The following FMNL3 variants were observed in gnomAD, a reference collection of about 807,000 sequenced individuals.
The protein encoded by FMNL3 is formin-like protein 3.
In FMNL3, 57 loss-of-function variants were observed where a neutral mutation model predicts 119.6. That is an observed-to-expected ratio of 0.48 (90% CI 0.39 to 0.59). The LOEUF (loss-of-function observed/expected upper bound fraction) is 0.59, where lower values mean the gene tolerates loss of function less well. FMNL3 is among the 20% of genes least tolerant of loss of function. The probability of loss-of-function intolerance (pLI) is 0.00; values close to 1 mark genes in which losing one functional copy is unlikely to be tolerated. For missense variants in FMNL3, 1,053 were observed against 1,323.5 expected (o/e 0.80, Z 3.17); for synonymous variants, 491 against 507.3 (o/e 0.97, Z 0.43).
In FMNL3 at chr12:49,649,557, A is replaced by C; in HGVS notation, c.2236-19T>G. Reference sequence around the variant, plus strand: ...TGAGTTGCTGTAGGACAATATGAACACTGAAGTAACCCCAGGCTGAGATGG... The same window carrying C: ...TGAGTTGCTGTAGGACAATATGAACCCTGAAGTAACCCCAGGCTGAGATGG... On this transcript the variant is annotated intron_variant, in intron 18 of 25. Coordinates refer to ENST00000335154, the MANE Select transcript of FMNL3 (RefSeq NM_175736.5). This position sits in a 1 kb window ranked among gnomAD's most constrained non-coding sequence, Gnocchi z 5.6. 1.9e-6 allele frequency: 3 copies of C among 1,614,082 alleles called. No homozygotes were observed. The highest frequency in any genetic ancestry group is 2.5e-6 in the Non-Finnish European group (3 of 1,180,014).
intron 1 of FMNL3, among the ~76,000 whole-genome samples, chr12:49,690,249 T>C (rs1219637902): frequency 6.6e-6 from 1 of 152,204 alleles, no homozygotes; most frequent in East Asian, 1.9e-4. Context: ...TCTATTTATT[T>C]TGTATACCCC....
intron 1 of FMNL3, among the ~76,000 whole-genome samples, chr12:49,676,705 A>G (rs796768543): frequency 1.7e-4 from 26 of 152,196 alleles, no homozygotes; most frequent in African/African-American, 6.3e-4. Flanking sequence ...CTCCTGGTTA[A>G]CTGGGGAAAG....
Position 49,637,959 on chromosome 12 carries a change from G to A in FMNL3, c.*7856C>T. The A allele has an allele frequency of 3.0e-6, 2 of 673,668 alleles. No individual in the cohort carries two copies. Among genetic ancestry groups the A allele is most frequent in the Non-Finnish European group, 2.6e-6 (1 of 381,088 alleles). 41.7% of individuals were successfully genotyped at this position (673,668 alleles called of 1,614,324 possible). A position where few individuals can be genotyped will look rare whatever the true frequency, so the allele number is the denominator to read the frequency against. On this transcript the variant is annotated 3_prime_UTR_variant, in exon 26 of 26. Coordinates refer to ENST00000335154, the MANE Select transcript of FMNL3 (RefSeq NM_175736.5). ...CAGATATCTACTGTGATCCTTTACT[G>A]CACACTAGGGATACAGTAATGAATA...
chr12:49,636,960 C>A lies in FMNL3; in HGVS notation c.*8855G>T. On this transcript the variant is annotated 3_prime_UTR_variant, in exon 26 of 26. Coordinates refer to ENST00000335154, the MANE Select transcript of FMNL3 (RefSeq NM_175736.5). Reference sequence around the variant, plus strand: ...CGCTGCCTGTTCTTTCTGTGCCTAGCCCTGTCCAAGCTCTATGAGACCTCT... The same window carrying A: ...CGCTGCCTGTTCTTTCTGTGCCTAGACCTGTCCAAGCTCTATGAGACCTCT... 6.6e-7 allele frequency: 1 copy of A among 1,509,702 alleles called. No individual in the cohort carries two copies. Among genetic ancestry groups the A allele is most frequent in the Non-Finnish European group, 9.0e-7 (1 of 1,113,724 alleles). 93.5% of individuals were successfully genotyped at this position (1,509,702 alleles called of 1,614,324 possible). A position where few individuals can be genotyped will look rare whatever the true frequency, so the allele number is the denominator to read the frequency against.
intron 1 of FMNL3, among the ~76,000 whole-genome samples, chr12:49,695,337 T>C (rs1944723323): frequency 6.6e-6 from 1 of 152,002 alleles, no homozygotes; most frequent in African/African-American, 2.4e-5. Flanking sequence ...AATCTATATA[T>C]AAAAAATAAA....
chr12:49,647,215 C>T lies in FMNL3; in HGVS notation c.2871+61G>A. On this transcript the variant is annotated intron_variant, in intron 24 of 25. Coordinates refer to ENST00000335154, the MANE Select transcript of FMNL3 (RefSeq NM_175736.5). This position sits in a 1 kb window ranked among gnomAD's most constrained non-coding sequence, Gnocchi z 4.9. ...GTTTTCATCTCCTCTAGCCTTCTGA[C>T]CCCCAGCCCCCACTCTTTTGCCTTG... is the stretch of plus-strand genomic sequence containing the variant. The T allele has an allele frequency of 6.3e-7, 1 of 1,596,276 alleles. No individual in the cohort carries two copies. The highest frequency in any genetic ancestry group is 1.7e-5 in the Admixed American group (1 of 59,924).
intron 4 of FMNL3, among the ~76,000 whole-genome samples, chr12:49,663,851 G>A (rs2138835709): frequency 6.6e-6 from 1 of 152,324 alleles, no homozygotes; most frequent in East Asian, 1.9e-4. Context: ...AGAAAACAAG[G>A]CTAGGTACTA....
intron 1 of FMNL3, among the ~76,000 whole-genome samples, chr12:49,699,730 A>G (rs1384676754): frequency 1.3e-5 from 2 of 152,264 alleles, no homozygotes; most frequent in East Asian, 1.9e-4. Context: ...ACATATGTAT[A>G]TAATAAATCC....
At chr12:49,653,594 C>G in intron 12 of FMNL3, 131 bp downstream of exon 12, 1 of 1,325,594 alleles carries the variant, frequency 7.5e-7, no homozygotes, top group Non-Finnish European at 1.0e-6. Flanking sequence ...CCTGAGTATG[C>G]TCTTGAGAGC....
At chr12:49,660,365 T>G (rs1352672354) in intron 5 of FMNL3, among the ~76,000 whole-genome samples, 2 of 152,210 alleles carry the variant, frequency 1.3e-5, no homozygotes, top group African/African-American at 4.8e-5. Flanking sequence ...GAGGCTTATT[T>G]GGAAAAATGA....
chr12:49,648,821 G>C (rs571300903), intron 21 of FMNL3, among the ~76,000 whole-genome samples: 23 of 152,382 alleles, frequency 1.5e-4, no homozygotes, highest in African/African-American at 4.3e-4. Flanking sequence ...GCTGGGAAGG[G>C]CTGGGCTGGG....
intron 1 of FMNL3, among the ~76,000 whole-genome samples, chr12:49,670,360 T>C (rs1944011831): frequency 6.6e-6 from 1 of 152,238 alleles, no homozygotes; most frequent in African/African-American, 2.4e-5. Flanking sequence ...ACCAGCTGTA[T>C]ACTCATCTAG....
intron 1 of FMNL3, among the ~76,000 whole-genome samples, chr12:49,700,603 TACTC>T (rs1164176390): frequency 6.8e-6 from 1 of 147,820 alleles, no homozygotes; most frequent in Non-Finnish European, 1.5e-5. Context: ...TAATCCCAGT[TACTC>T]AGGAGGTTGA....
At position 49,672,518 on chromosome 12, in the gene FMNL3, C is replaced by T. The variant is rs142328972; in HGVS notation, c.127-3964G>A. Among the ~76,000 whole-genome samples, 30 of 152,350 alleles carry T rather than the reference C, an allele frequency of 2.0e-4. No individual in the cohort carries two copies. The East Asian group carries it at 5.2e-3, about 26-fold the overall frequency. On this transcript the variant is annotated intron_variant, in intron 1 of 25. Transcript: ENST00000335154. ...CTGGTGCTTCTCCAGCAAGGCTGCT[C>T]TGTTTGCCAGTTTGAGGCCAGGCAA... is the stretch of plus-strand genomic sequence containing the variant.
In FMNL3 at chr12:49,649,619, C is replaced by A; in HGVS notation, c.2235+72G>T. The A allele has an allele frequency of 6.2e-7, 1 of 1,610,902 alleles. No homozygotes were observed. The highest frequency in any genetic ancestry group is 8.5e-7 in the Non-Finnish European group (1 of 1,177,204). On this transcript the variant is annotated intron_variant, in intron 18 of 25. Coordinates refer to ENST00000335154, the MANE Select transcript of FMNL3 (RefSeq NM_175736.5). The surrounding 1 kb of genome is among the most constrained non-coding windows in gnomAD (Gnocchi z 5.6). ...GGAGGGGTCAGAAGGACTGGAAGGGCAGGGGAGGTGACTAGCAGATGGAGG... is the reference window on the plus strand; with the variant it reads ...GGAGGGGTCAGAAGGACTGGAAGGGAAGGGGAGGTGACTAGCAGATGGAGG...
intron 1 of FMNL3, among the ~76,000 whole-genome samples, chr12:49,701,478 C>G (rs912953236): frequency 1.3e-5 from 2 of 152,128 alleles, no homozygotes; most frequent in African/African-American, 2.4e-5. Context: ...AAGGAAAACT[C>G]TAAATATTGA....
In FMNL3 at chr12:49,636,687, T is replaced by G; in HGVS notation, c.*9128A>C. Reference sequence around the variant, plus strand: ...CTGAGAGGGTATCCTGCTGGGACAATGCCCGCGGAACCTCCTGCCTGTCTT... The same window carrying G: ...CTGAGAGGGTATCCTGCTGGGACAAGGCCCGCGGAACCTCCTGCCTGTCTT... On this transcript the variant is annotated 3_prime_UTR_variant, in exon 26 of 26. Transcript: ENST00000335154. 6.2e-7 allele frequency: 1 copy of G among 1,612,846 alleles called. No homozygotes were observed. The highest frequency in any genetic ancestry group is 1.3e-5 in the African/African-American group (1 of 75,010).
rs189768718 is a variant in FMNL3, at chr12:49,643,064, G to A, written c.*2751C>T. 359 of 1,604,594 alleles carry A rather than the reference G, an allele frequency of 2.2e-4. No individual in the cohort carries two copies. The highest frequency in any genetic ancestry group is 2.9e-4 in the Non-Finnish European group (338 of 1,172,590). On this transcript the variant is annotated 3_prime_UTR_variant, in exon 26 of 26. Coordinates refer to ENST00000335154, the MANE Select transcript of FMNL3 (RefSeq NM_175736.5). ...CATGGGGTGAAGCTGGGTTGTTTTG[G>A]GGAAATAAACACTTTGTTTTCCCCT...
chr12:49,675,265 A>T lies in FMNL3; in HGVS notation c.127-6711T>A, dbSNP rs183973211. The stretch of plus-strand genomic sequence containing the variant: ...ACTGAGCACCCAGGCCCTAGTAAAA[A>T]GCTACTGCCACAGCAACTTGATCTG... On this transcript the variant is annotated intron_variant, in intron 1 of 25. Transcript: ENST00000335154. 2.8e-3 allele frequency among the ~76,000 whole-genome samples: 426 copies of T among 152,252 alleles called. 5 individuals are homozygous for T. Among genetic ancestry groups the T allele is most frequent in the East Asian group, 7.3e-3 (38 of 5,184 alleles).
Sources: gnomAD v4.1 joint callset for allele counts (sites outside exome capture counted in the v4.1 genomes callset) on GRCh38, gnomAD v4.1.1 for gene constraint, Gnocchi (gnomAD v3.1) non-coding constraint, MANE v1.5 for transcripts, NCBI Gene and HGNC (gene_info 2026-07-23, HGNC 2026-07-21) for gene names.